SHISA9: variants seen among roughly 807,000 people sequenced by gnomAD.
SHISA9 encodes protein shisa-9.
In SHISA9, 13 loss-of-function variants were observed where a neutral mutation model predicts 38.0. The ratio of observed to expected loss-of-function variants is 0.34; its 90% CI spans 0.22 to 0.54. SHISA9 has a LOEUF of 0.54. SHISA9 is among the 20% of genes least tolerant of loss of function. SHISA9 has a pLI of 0.91. For missense variants in SHISA9, 538 were observed against 575.8 expected, an observed-to-expected ratio of 0.93 and a Z score of 0.67; for synonymous variants, 275 against 242.0, an observed-to-expected ratio of 1.14 and a Z score of -1.27.
chr16:13,250,830 C>A, the SHISA9 span, among the ~76,000 whole-genome samples: 1 of 152,082 alleles, frequency 6.6e-6, no homozygotes, highest in Non-Finnish European at 1.5e-5. Context: ...GTGAGGCAAA[C>A]CCTAATGGCT....
the SHISA9 span, among the ~76,000 whole-genome samples, chr16:13,372,196 T>A: frequency 6.6e-6 from 1 of 152,192 alleles, no homozygotes; most frequent in African/African-American, 2.4e-5. Flanking sequence ...CCAATCAGAC[T>A]TTGAAAGTCT....
chr16:13,459,047 T>G, the SHISA9 span, among the ~76,000 whole-genome samples: 218 of 152,124 alleles, frequency 1.4e-3, 1 homozygote, highest in Middle Eastern at 3.4e-3. Context: ...GAGATGGGGT[T>G]TCTCCATGTT....
the SHISA9 span, among the ~76,000 whole-genome samples, chr16:13,340,216 G>T: frequency 2.0e-5 from 3 of 152,124 alleles, no homozygotes; most frequent in African/African-American, 7.2e-5. Context: ...AGGAAGTATG[G>T]GAGGATAAGC....
the SHISA9 span, among the ~76,000 whole-genome samples, chr16:13,250,745 C>A: frequency 3.3e-5 from 5 of 152,080 alleles, no homozygotes; most frequent in African/African-American, 1.2e-4. Context: ...ATATTTGGGG[C>A]CCTGGAAGCA....
chr16:13,306,386 G>A, the SHISA9 span, among the ~76,000 whole-genome samples: 2 of 152,138 alleles, frequency 1.3e-5, no homozygotes, highest in Admixed American at 6.5e-5. Flanking sequence ...ACAGATCTCG[G>A]TCATGTGCCA....
At chr16:13,179,535 A>G (rs2050759881) in intron 2 of SHISA9, among the ~76,000 whole-genome samples, 1 of 152,166 alleles carries the variant, frequency 6.6e-6, no homozygotes, top group African/African-American at 2.4e-5. Context: ...AAGAACTAGG[A>G]CTCACACCTA....
At chr16:13,079,801 T>C (rs1437048512) in intron 2 of SHISA9, among the ~76,000 whole-genome samples, 1 of 152,216 alleles carries the variant, frequency 6.6e-6, no homozygotes, top group Admixed American at 6.5e-5. Context: ...ATTTTTGCCA[T>C]TGATTTCTGG....
the SHISA9 span, among the ~76,000 whole-genome samples, chr16:13,260,039 C>G: frequency 1.2e-4 from 3 of 25,586 alleles, no homozygotes; most frequent in South Asian, 1.9e-3. Context: ...TTTTTTGAGA[C>G]AGGGTCTTGC....
the SHISA9 span, among the ~76,000 whole-genome samples, chr16:13,388,459 C>T: frequency 1.3e-5 from 2 of 151,908 alleles, no homozygotes; most frequent in Admixed American, 1.3e-4. Flanking sequence ...CTACAGGCAT[C>T]CACCACCATG....
chr16:13,381,425 T>C, the SHISA9 span, among the ~76,000 whole-genome samples: 1 of 152,156 alleles, frequency 6.6e-6, no homozygotes, highest in Non-Finnish European at 1.5e-5. Flanking sequence ...ATGAGGCAAC[T>C]CTCAACTCCA....
intron 2 of SHISA9, among the ~76,000 whole-genome samples, chr16:13,023,586 A>G (rs1402711742): frequency 6.6e-6 from 1 of 152,198 alleles, no homozygotes; most frequent in Non-Finnish European, 1.5e-5. Flanking sequence ...ATCCCTGAGG[A>G]ATCGCCACAC....
the SHISA9 span, among the ~76,000 whole-genome samples, chr16:13,486,484 A>C: frequency 2.0e-5 from 3 of 152,204 alleles, no homozygotes; most frequent in East Asian, 1.9e-4. Flanking sequence ...GACATCTATC[A>C]ACTTGGTTTA....
chr16:13,407,566 T>C, the SHISA9 span, among the ~76,000 whole-genome samples: 11 of 152,216 alleles, frequency 7.2e-5, no homozygotes, highest in Non-Finnish European at 1.6e-4. Flanking sequence ...ACACTGTTGG[T>C]TTCCTAACCA....
intron 2 of SHISA9, among the ~76,000 whole-genome samples, chr16:13,080,407 C>G (rs766240206): frequency 6.6e-6 from 1 of 152,124 alleles, no homozygotes; most frequent in Non-Finnish European, 1.5e-5. Flanking sequence ...AACACCACCA[C>G]TTGGTCAGCT....
intron 2 of SHISA9, among the ~76,000 whole-genome samples, chr16:12,920,006 G>A (rs1228501895): frequency 6.6e-6 from 1 of 152,164 alleles, no homozygotes; most frequent in African/African-American, 2.4e-5. Context: ...GACTGCCAGT[G>A]ACACCCCTCT....
chr16:13,118,724 TTTTTTC>T (rs1008917259), intron 2 of SHISA9, among the ~76,000 whole-genome samples: 1 of 92,740 alleles, frequency 1.1e-5, no homozygotes, highest in African/African-American at 5.8e-5. Flanking sequence ...CTTTCTTTTC[TTTTTTC>T]TTTTTTTTTT....
chr16:13,518,819 G>C, the SHISA9 span, among the ~76,000 whole-genome samples: 1 of 152,216 alleles, frequency 6.6e-6, no homozygotes, highest in African/African-American at 2.4e-5. Flanking sequence ...AGGTTAGGAA[G>C]TCCAAGATCA....
the SHISA9 span, among the ~76,000 whole-genome samples, chr16:13,484,497 A>G: frequency 6.6e-6 from 1 of 152,148 alleles, no homozygotes; most frequent in African/African-American, 2.4e-5. Flanking sequence ...GCCAAATCTG[A>G]GTGCCTAGCA....
At chr16:13,348,596 A>G in the SHISA9 span, among the ~76,000 whole-genome samples, 1 of 151,736 alleles carries the variant, frequency 6.6e-6, no homozygotes, top group South Asian at 2.1e-4. Context: ...CAGTCTCCAC[A>G]GTCCCACTTA....
Sources: gnomAD v4.1 joint callset for allele counts (sites outside exome capture counted in the v4.1 genomes callset) on GRCh38, gnomAD v4.1.1 for gene constraint, MANE v1.5 for transcripts, NCBI Gene and HGNC (gene_info 2026-07-23, HGNC 2026-07-21) for gene names.